The following TANGO6 variants were observed in gnomAD, a reference collection of about 807,000 sequenced individuals.
TANGO6 encodes transport and golgi organization 6 homolog, also known as transport and Golgi organization protein 6 homolog.
A neutral mutation model predicts 114.2 loss-of-function variants in TANGO6; 90 were observed. The observed-to-expected ratio is 0.79, with a 90% CI of 0.66 to 0.94. TANGO6 has a LOEUF of 0.94. Among genes scored for constraint, TANGO6 ranks in the 40% least tolerant of loss-of-function variants. The probability of loss-of-function intolerance (pLI) is 0.00; values close to 1 mark genes in which losing one functional copy is unlikely to be tolerated. For missense variants in TANGO6, 1,274 were observed against 1,315.3 expected (o/e 0.97, Z 0.49); for synonymous variants, 477 against 509.8 (o/e 0.94, Z 0.87).
chr16:68,938,206 G>A (rs146926877), intron 14 of TANGO6, among the ~76,000 whole-genome samples: 128 of 152,282 alleles, frequency 8.4e-4, no homozygotes, highest in African/African-American at 2.9e-3. Context: ...TTGTAATTTG[G>A]TGCATACATG....
At chr16:69,013,300 A>G (rs1301458083) in intron 15 of TANGO6, among the ~76,000 whole-genome samples, 2 of 152,148 alleles carry the variant, frequency 1.3e-5, no homozygotes, top group African/African-American at 2.4e-5. Context: ...TACTTTGGTT[A>G]TAAAATTGAC....
intron 10 of TANGO6, 75 bp from the exon 11 acceptor site, chr16:68,909,136 T>G: frequency 8.3e-7 from 1 of 1,210,658 alleles, no homozygotes. Context: ...TCAAACAGAG[T>G]TTTCTGCTTA....
In TANGO6 at chr16:68,948,994, C is replaced by T. The variant is rs146646321; in HGVS notation, c.2701+18699C>T. 2.0e-3 allele frequency among the ~76,000 whole-genome samples: 303 copies of T among 152,210 alleles called. 1 individual carries two copies. The highest frequency in any genetic ancestry group is 3.5e-3 in the South Asian group (17 of 4,830). On this transcript the variant is annotated intron_variant, in intron 14 of 17. Coordinates refer to ENST00000261778, the MANE Select transcript of TANGO6 (RefSeq NM_024562.2). ...CTGAGGTCGGGAGTTCGAGACCAGCCTGACCAACATGGAGAAACCCTGTCT... is the reference window on the plus strand; with the variant it reads ...CTGAGGTCGGGAGTTCGAGACCAGCTTGACCAACATGGAGAAACCCTGTCT...
chr16:69,066,890 A>T (rs992690503), intron 17 of TANGO6, among the ~76,000 whole-genome samples: 3 of 152,032 alleles, frequency 2.0e-5, no homozygotes, highest in African/African-American at 7.2e-5. Flanking sequence ...CCGTCTCTAC[A>T]AAAAATTTGT....
Position 68,974,141 on chromosome 16 carries a change from G to T in TANGO6, c.2815G>T (p.Val939Phe), listed in dbSNP as rs1259152889. 6.2e-7 allele frequency: 1 copy of T among 1,613,974 alleles called. No individual in the cohort carries two copies. The highest frequency in any genetic ancestry group is 1.1e-5 in the South Asian group (1 of 91,062). ...TPETRMKVGEVLMRIVRALGD... is the reference protein window; with the variant it reads ...TPETRMKVGEFLMRIVRALGD... ...AGAGACCAGAATGAAAGTCGGGGAAGTCCTTATGCGAATCGTCAGGGCATT... is the reference window on the plus strand; with the variant it reads ...AGAGACCAGAATGAAAGTCGGGGAATTCCTTATGCGAATCGTCAGGGCATT... The change falls in exon 15 of 18, where the codon GTC (valine) becomes TTC (phenylalanine). Residue 939 changes from valine (V) to phenylalanine (F), a missense_variant. By Grantham distance (50) the Val-to-Phe change is conservative (BLOSUM62 -1). Around this residue, in one of 5 missense-constraint regions of TANGO6, gnomAD observed 238 missense variants for 252.9 expected, o/e 0.94. Coordinates refer to ENST00000261778, the MANE Select transcript of TANGO6 (RefSeq NM_024562.2).
At chr16:68,882,250 A>C (rs1213562467) in intron 7 of TANGO6, among the ~76,000 whole-genome samples, 1 of 152,122 alleles carries the variant, frequency 6.6e-6, no homozygotes, top group East Asian at 1.9e-4. Context: ...TAATCCCAGC[A>C]CTATGGGAGG....
chr16:69,051,889 G>A (rs1259936896), intron 17 of TANGO6, among the ~76,000 whole-genome samples: 2 of 150,010 alleles, frequency 1.3e-5, no homozygotes, highest in East Asian at 1.9e-4. Flanking sequence ...ATTTACAGAT[G>A]GTATGCTTAT....
At chr16:69,050,537 T>C (rs1959932306) in intron 17 of TANGO6, among the ~76,000 whole-genome samples, 1 of 151,390 alleles carries the variant, frequency 6.6e-6, no homozygotes, top group Non-Finnish European at 1.5e-5. Context: ...TCACCCAGGC[T>C]GGAATGCAGT....
intron 7 of TANGO6, among the ~76,000 whole-genome samples, chr16:68,889,127 G>T (rs1157328732): frequency 6.6e-6 from 1 of 152,150 alleles, no homozygotes; most frequent in East Asian, 1.9e-4. Context: ...CCCACCAATA[G>T]ACTTTATTTT....
At chr16:68,912,792 C>G (rs1459208205) in intron 11 of TANGO6, among the ~76,000 whole-genome samples, 1 of 147,810 alleles carries the variant, frequency 6.8e-6, no homozygotes, top group East Asian at 2.1e-4. Context: ...AAGGTAATAG[C>G]CGACCAGGTG....
intron 15 of TANGO6, among the ~76,000 whole-genome samples, chr16:68,998,710 G>A (rs1964014549): frequency 6.9e-6 from 1 of 143,992 alleles, no homozygotes; most frequent in Non-Finnish European, 1.5e-5. Flanking sequence ...CAGCCTGGGT[G>A]ACAGAGTGAG....
In TANGO6 at chr16:68,902,385, A is replaced by T. The variant is rs755613906; in HGVS notation, c.1548A>T (p.Ala516=). The T allele has an allele frequency of 4.3e-6, 7 of 1,613,766 alleles. No individual in the cohort carries two copies. The highest frequency in any genetic ancestry group is 5.1e-6 in the Non-Finnish European group (6 of 1,179,788). ...WILGKLERKK[A]IASLKGFAGL... ...TGGGGAAGCTGGAAAGGAAGAAGGCAATTGCCAGCCTGAAAGGATTTGCAG... is the reference window on the plus strand; with the variant it reads ...TGGGGAAGCTGGAAAGGAAGAAGGCTATTGCCAGCCTGAAAGGATTTGCAG... The change falls in exon 9 of 18, where the codon GCA becomes GCT. Residue 516 remains alanine, a synonymous_variant. Coordinates refer to ENST00000261778, the MANE Select transcript of TANGO6 (RefSeq NM_024562.2).
intron 17 of TANGO6, among the ~76,000 whole-genome samples, chr16:69,073,309 A>G (rs1960323352): frequency 6.6e-6 from 1 of 152,206 alleles, no homozygotes; most frequent in Admixed American, 6.5e-5. Flanking sequence ...GCACTTTCAC[A>G]GAGCAGGTAC....
chr16:69,077,045 A>ATT (rs111623006), intron 17 of TANGO6, among the ~76,000 whole-genome samples: 1 of 145,030 alleles, frequency 6.9e-6, no homozygotes, highest in Non-Finnish European at 1.5e-5. Context: ...ATTATTACGA[A>ATT]TTTTTTTTTT....
intron 15 of TANGO6, among the ~76,000 whole-genome samples, chr16:68,982,803 A>ATATGCCTC (rs1211403968): frequency 2.0e-5 from 3 of 151,804 alleles, no homozygotes; most frequent in Non-Finnish European, 4.4e-5. Context: ...ACCTTCGTAT[A>ATATGCCTC]TATGCCTCTT....
At chr16:68,894,042 A>G (rs576167687) in intron 7 of TANGO6, among the ~76,000 whole-genome samples, 14 of 152,294 alleles carry the variant, frequency 9.2e-5, no homozygotes, top group Middle Eastern at 6.8e-3. Flanking sequence ...TCACCAGTCC[A>G]ATGTGGAGGA....
chr16:68,938,504 T>C (rs1963320690), intron 14 of TANGO6, among the ~76,000 whole-genome samples: 1 of 152,138 alleles, frequency 6.6e-6, no homozygotes, highest in Admixed American at 6.5e-5. Flanking sequence ...TTATGTGCCT[T>C]GTTTTTTTTT....
At chr16:68,973,258 T>C (rs1963727047) in intron 14 of TANGO6, 1 of 411,554 alleles carries the variant, frequency 2.4e-6, no homozygotes, top group Non-Finnish European at 4.7e-6. Flanking sequence ...TTTCTACTTA[T>C]TCCTTCTTTA....
At chr16:68,913,674 G>T (rs1366925671) in intron 11 of TANGO6, among the ~76,000 whole-genome samples, 1 of 151,780 alleles carries the variant, frequency 6.6e-6, no homozygotes, top group African/African-American at 2.4e-5. Flanking sequence ...CTCCCAAAGT[G>T]CTGGGATTAG....
Sources: gnomAD v4.1 joint callset for allele counts (sites outside exome capture counted in the v4.1 genomes callset) on GRCh38, gnomAD v4.1.1 for gene constraint, gnomAD v4.1.1 regional missense constraint, MANE v1.5 for transcripts, NCBI Gene and HGNC (gene_info 2026-07-23, HGNC 2026-07-21) for gene names.